The following CELF2 variants were observed in gnomAD, a reference collection of about 807,000 sequenced individuals.
CELF2 encodes CUGBP Elav-like family member 2, also known as CUG triplet repeat RNA-binding protein 2.
CELF2 carries 8 observed loss-of-function variants against 62.6 expected under a neutral mutation model. The observed-to-expected ratio is 0.13, with a 90% confidence interval of 0.07 to 0.23. The LOEUF is 0.23. CELF2 is among the 10% of genes least tolerant of loss of function. The pLI, the probability that CELF2 is intolerant of heterozygous loss-of-function variation, is 1.00. For synonymous variants in CELF2, 258 were observed against 250.0 expected (o/e 1.03, Z -0.30); for missense variants, 333 against 671.0 (o/e 0.50, Z 5.56).
chr10:10,692,036 T>C, the CELF2 span, among the ~76,000 whole-genome samples: 4,913 of 149,746 alleles, frequency 0.033, 197 homozygotes, highest in East Asian at 0.24. Context: ...GTCAATTTTG[T>C]CTTTTGTTGC....
At chr10:10,671,658 G>A in the CELF2 span, among the ~76,000 whole-genome samples, 1 of 151,446 alleles carries the variant, frequency 6.6e-6, no homozygotes, top group African/African-American at 2.4e-5. Context: ...CTCCTTGTTG[G>A]TTTAATTTAT....
the CELF2 span, among the ~76,000 whole-genome samples, chr10:10,555,714 T>G: frequency 5.1e-3 from 776 of 152,304 alleles, 5 homozygotes; most frequent in African/African-American, 0.018. Context: ...CTTTCTCTTA[T>G]GTGTACAACA....
chr10:10,485,274 G>A, the CELF2 span, among the ~76,000 whole-genome samples: 23 of 152,290 alleles, frequency 1.5e-4, no homozygotes, highest in African/African-American at 4.3e-4. Context: ...ATTAGAAGGC[G>A]TGATCGTCCA....
the CELF2 span, among the ~76,000 whole-genome samples, chr10:10,554,563 G>A: frequency 3.3e-5 from 5 of 152,154 alleles, no homozygotes; most frequent in East Asian, 9.6e-4. Context: ...TCTGTCCTCT[G>A]TGACTCCAGC....
the CELF2 span, among the ~76,000 whole-genome samples, chr10:10,774,880 TTTA>T: frequency 1.5e-5 from 2 of 131,080 alleles, no homozygotes; most frequent in Non-Finnish European, 3.2e-5. Flanking sequence ...TTTTTATTTA[TTTA>T]TTTTTTTTTT....
At chr10:10,755,335 C>T in the CELF2 span, among the ~76,000 whole-genome samples, 2 of 152,190 alleles carry the variant, frequency 1.3e-5, no homozygotes, top group African/African-American at 4.8e-5. Context: ...CAATTCTAAT[C>T]ATATTGTTCT....
the CELF2 span, among the ~76,000 whole-genome samples, chr10:10,469,632 G>A: frequency 6.6e-6 from 1 of 151,786 alleles, no homozygotes; most frequent in African/African-American, 2.4e-5. Flanking sequence ...TCTTTGGTGT[G>A]GCATTGGAGT....
the CELF2 span, among the ~76,000 whole-genome samples, chr10:10,529,798 T>G: frequency 6.6e-6 from 1 of 150,928 alleles, no homozygotes; most frequent in African/African-American, 2.4e-5. Flanking sequence ...GAACACTAAA[T>G]AATTTTGGTA....
chr10:10,561,906 A>T, the CELF2 span, among the ~76,000 whole-genome samples: 1 of 152,168 alleles, frequency 6.6e-6, no homozygotes, highest in Admixed American at 6.5e-5. Context: ...GCCTAGGTGC[A>T]GGTTCAGCCC....
chr10:10,554,297 CT>C, the CELF2 span, among the ~76,000 whole-genome samples: 1 of 152,178 alleles, frequency 6.6e-6, no homozygotes, highest in Non-Finnish European at 1.5e-5. Flanking sequence ...CACCCTTCAC[CT>C]GAGCCACCCA....
the CELF2 span, among the ~76,000 whole-genome samples, chr10:10,698,298 C>T: frequency 1.3e-5 from 2 of 152,166 alleles, no homozygotes; most frequent in African/African-American, 4.8e-5. Context: ...AGAAGAGTCC[C>T]ATAAATCAGG....
intron 2 of CELF2, among the ~76,000 whole-genome samples, chr10:10,969,410 G>C (rs1411663896): frequency 6.6e-6 from 1 of 152,172 alleles, no homozygotes; most frequent in Non-Finnish European, 1.5e-5. Context: ...AGATGGAGAA[G>C]GCATATTTTA....
At chr10:11,261,524 C>G (rs932352509) in intron 5 of CELF2, among the ~76,000 whole-genome samples, 2 of 152,042 alleles carry the variant, frequency 1.3e-5, no homozygotes, top group East Asian at 3.9e-4. Context: ...AGGGCAGACA[C>G]CCTCAGGAAA....
intron 9 of CELF2, among the ~76,000 whole-genome samples, chr10:11,289,840 C>T (rs1314880278): frequency 6.6e-6 from 1 of 152,184 alleles, no homozygotes; most frequent in African/African-American, 2.4e-5. Context: ...GAGAAATAAA[C>T]ATTTTTAACA....
chr10:11,053,762 C>G (rs2064489745), intron 1 of CELF2, among the ~76,000 whole-genome samples: 1 of 151,606 alleles, frequency 6.6e-6, no homozygotes, highest in Non-Finnish European at 1.5e-5. Flanking sequence ...CTACAGGCGC[C>G]CACCACCATG....
chr10:10,919,285 G>C (rs958721723), intron 1 of CELF2, among the ~76,000 whole-genome samples: 2 of 151,532 alleles, frequency 1.3e-5, no homozygotes, highest in Admixed American at 1.3e-4. Context: ...AAAAAAGAAA[G>C]AAAGAAAACG....
chr10:10,698,470 A>G, the CELF2 span, among the ~76,000 whole-genome samples: 3 of 152,242 alleles, frequency 2.0e-5, no homozygotes, highest in Non-Finnish European at 4.4e-5. Context: ...TGATATACAT[A>G]TGTAACATTC....
the CELF2 span, among the ~76,000 whole-genome samples, chr10:10,665,607 A>G: frequency 1.3e-5 from 2 of 152,324 alleles, no homozygotes; most frequent in East Asian, 3.9e-4. Context: ...TGTAGTTGAA[A>G]ATAAAGTTAA....
intron 2 of CELF2, among the ~76,000 whole-genome samples, chr10:10,981,154 T>A (rs1202541988): frequency 6.6e-6 from 1 of 152,238 alleles, no homozygotes; most frequent in Non-Finnish European, 1.5e-5. Flanking sequence ...AATGAAGGTT[T>A]CTCACTTATT....
Sources: gnomAD v4.1 joint callset for allele counts (sites outside exome capture counted in the v4.1 genomes callset) on GRCh38, gnomAD v4.1.1 for gene constraint, MANE v1.5 for transcripts, NCBI Gene and HGNC (gene_info 2026-07-23, HGNC 2026-07-21) for gene names.